Variants in CFAP36 observed in about 807,000 individuals in gnomAD.
CFAP36 encodes cilia- and flagella-associated protein 36.
A neutral mutation model predicts 50.5 loss-of-function variants in CFAP36; 37 were observed. The observed-to-expected ratio is 0.73, with a 90% CI of 0.56 to 0.96. The LOEUF (loss-of-function observed/expected upper bound fraction) is 0.96, where lower values mean the gene tolerates loss of function less well. CFAP36 is among the 50% of genes least tolerant of loss of function. The pLI is 0.00. For missense variants in CFAP36, 407 were observed against 396.2 expected (o/e 1.03, Z -0.23); for synonymous variants, 138 against 128.2 (o/e 1.08, Z -0.52).
chr2:55,537,667 T>C (rs1574623973), intron 7 of CFAP36, 82 bp downstream of exon 7: 4 of 893,880 alleles, frequency 4.5e-6, no homozygotes, highest in Admixed American at 5.2e-5. Flanking sequence ...CTCATACTTA[T>C]TTAACTTCAA....
In CFAP36 at chr2:55,523,682, T is replaced by C. The variant is rs776031980; in HGVS notation, c.181-39T>C. The stretch of plus-strand genomic sequence containing the variant: ...AATATGCAAACTGTCATGTAGAATT[T>C]TTCTATGTAATTATAAAAGTTAAAC... On this transcript the variant is annotated intron_variant, in intron 2 of 9. Transcript: ENST00000349456. The C allele has an allele frequency of 1.0e-5, 14 of 1,376,660 alleles. No individual in the cohort carries two copies. In the African/African-American group the frequency reaches 1.5e-4, roughly 14 times the overall value. The allele number at this position is 1,376,660 out of a possible 1,614,324, so 85.3% of individuals were successfully genotyped here. A position where few individuals can be genotyped will look rare whatever the true frequency, so the allele number is the denominator to read the frequency against.
At chr2:55,520,171 T>TGGGGCCGAAGCGC (rs2103626543) in intron 1 of CFAP36, among the ~76,000 whole-genome samples, 2 of 152,312 alleles carry the variant, frequency 1.3e-5, no homozygotes, top group South Asian at 4.1e-4. Context: ...TCCCCTTCTC[T>TGGGGCCGAAGCGC]GGGGCCGAAG....
At chr2:55,521,625 A>AT (rs1457052177) in intron 1 of CFAP36, among the ~76,000 whole-genome samples, 5 of 128,216 alleles carry the variant, frequency 3.9e-5, no homozygotes, top group South Asian at 2.6e-4. Flanking sequence ...GTGTGTGTAT[A>AT]TTTTTTTTTC....
Position 55,519,786 on chromosome 2 carries a change from G to A in CFAP36, c.-16G>A. The stretch of plus-strand genomic sequence containing the variant: ...GTCTGGCCTAGGGATCTTCCCCGTT[G>A]CCCCTTTGGGGCGGGATGGCTGCGG... On this transcript the variant is annotated 5_prime_UTR_variant, in exon 1 of 10. Coordinates refer to ENST00000349456, the MANE Select transcript of CFAP36 (RefSeq NM_080667.7). 1.2e-6 allele frequency: 2 copies of A among 1,613,780 alleles called. No homozygotes were observed. Among genetic ancestry groups the A allele is most frequent in the Non-Finnish European group, 1.7e-6 (2 of 1,179,670 alleles).
chr2:55,523,911 A>G (rs1684134870), intron 3 of CFAP36, 89 bp downstream of exon 3: 3 of 807,928 alleles, frequency 3.7e-6, no homozygotes, highest in Non-Finnish European at 5.8e-6. Flanking sequence ...TTGATTGACA[A>G]AGTGTAATAT....
intron 7 of CFAP36, 33 bp downstream of exon 7, chr2:55,537,618 AATATGAATAC>A (rs11280083): frequency 0.47 from 651,097 of 1,382,990 alleles, 160,618 homozygotes; most frequent in Non-Finnish European, 0.51. Context: ...TTTCTCTAAT[AATATGAATAC>A]ATAAACACCA....
intron 3 of CFAP36, among the ~76,000 whole-genome samples, chr2:55,524,030 G>A (rs1684137905): frequency 6.6e-6 from 1 of 152,222 alleles, no homozygotes; most frequent in South Asian, 2.1e-4. Flanking sequence ...GCAACTCAAA[G>A]TGACCTTTCT....
rs374404021 is a variant in CFAP36 at position 55,535,773 on chromosome 2, G to A, written c.537+10G>A. 8 of 1,554,034 alleles carry A rather than the reference G, an allele frequency of 5.1e-6. No individual in the cohort carries two copies. The highest frequency in any genetic ancestry group is 6.9e-6 in the Non-Finnish European group (8 of 1,158,976). On this transcript the variant is annotated intron_variant, in intron 6 of 9. Transcript: ENST00000349456. ...GAAGAGGAAAAAACAGGTGCCTACAGAACATATAACAGAAGTATTTTATTG... is the reference window on the plus strand; with the variant it reads ...GAAGAGGAAAAAACAGGTGCCTACAAAACATATAACAGAAGTATTTTATTG...
intron 9 of CFAP36, 71 bp downstream of exon 9, chr2:55,544,440 A>G (rs1684721807): frequency 1.3e-6 from 2 of 1,486,824 alleles, no homozygotes; most frequent in Non-Finnish European, 1.8e-6. Context: ...AATATGTGCA[A>G]GAAAGCCTCT....
At chr2:55,525,060 G>C (rs1319877275) in intron 3 of CFAP36, among the ~76,000 whole-genome samples, 1 of 152,040 alleles carries the variant, frequency 6.6e-6, no homozygotes, top group Non-Finnish European at 1.5e-5. Flanking sequence ...AGCTAAATAA[G>C]TAGTAGAGCC....
At chr2:55,519,973 G>C (rs1684013563) in intron 1 of CFAP36, 57 bp downstream of exon 1, 1 of 1,532,916 alleles carries the variant, frequency 6.5e-7, no homozygotes, top group South Asian at 1.1e-5. Context: ...CCAGCGGCGG[G>C]CAGGGGGTTG....
intron 3 of CFAP36, among the ~76,000 whole-genome samples, chr2:55,526,444 G>GTTTGTT (rs1480267019): frequency 6.6e-6 from 1 of 152,022 alleles, no homozygotes; most frequent in Admixed American, 6.6e-5. Context: ...TTTTTTGTTT[G>GTTTGTT]TTTGTTTTTG....
intron 7 of CFAP36, among the ~76,000 whole-genome samples, chr2:55,539,707 T>C (rs1266497270): frequency 1.1e-4 from 16 of 152,260 alleles, no homozygotes; most frequent in Admixed American, 9.8e-4. Flanking sequence ...AACTGTGTTC[T>C]AAAGCGGCTA....
At chr2:55,540,319 T>G (rs1192140888) in intron 7 of CFAP36, among the ~76,000 whole-genome samples, 1 of 152,190 alleles carries the variant, frequency 6.6e-6, no homozygotes, top group Non-Finnish European at 1.5e-5. Context: ...GGTGTAAAGT[T>G]TGTGTCTAGA....
chr2:55,531,141 C>G (rs1175448642), intron 4 of CFAP36: 1 of 152,194 alleles, frequency 6.6e-6, no homozygotes, highest in African/African-American at 2.4e-5. Context: ...TGACATAGTG[C>G]TATTACTTTG....
intron 1 of CFAP36, among the ~76,000 whole-genome samples, chr2:55,520,760 C>A (rs545021667): frequency 6.6e-6 from 1 of 152,288 alleles, no homozygotes; most frequent in East Asian, 1.9e-4. Flanking sequence ...TAGTATTCAT[C>A]AATTATTTGA....
At chr2:55,533,410 A>G (rs1051776439) in intron 4 of CFAP36, among the ~76,000 whole-genome samples, 8 of 152,116 alleles carry the variant, frequency 5.3e-5, no homozygotes, top group African/African-American at 1.9e-4. Context: ...TTAAAAGATG[A>G]TAGTTAAAAA....
chr2:55,534,773 A>G (rs909415699), intron 5 of CFAP36, among the ~76,000 whole-genome samples: 7 of 152,124 alleles, frequency 4.6e-5, no homozygotes, highest in Non-Finnish European at 8.8e-5. Context: ...CTAGCATCCT[A>G]CAGTTCCCCC....
intron 4 of CFAP36, chr2:55,531,254 G>A (rs888230174): frequency 7.2e-5 from 11 of 152,170 alleles, no homozygotes; most frequent in African/African-American, 2.4e-4. Flanking sequence ...TGACTTACGG[G>A]TTAGACAATT....
Sources: allele counts gnomAD v4.1 joint callset (sites outside exome capture counted in the v4.1 genomes callset), GRCh38; gene constraint gnomAD v4.1.1; transcripts MANE v1.5; gene names NCBI Gene and HGNC (gene_info 2026-07-23, HGNC 2026-07-21).